Variants in NAV3 observed in about 807,000 individuals in gnomAD.
NAV3 encodes the protein pore membrane and/or filament interacting like protein 1.
NAV3 carries 87 observed loss-of-function variants against 244.7 expected under a neutral mutation model. That is an observed-to-expected ratio of 0.36 (90% confidence interval 0.30 to 0.42). NAV3 has a LOEUF of 0.42. Ranked by LOEUF, NAV3 falls within the 20% of genes least tolerant of loss-of-function variation. The probability of loss-of-function intolerance (pLI) is 1.00; values close to 1 mark genes in which losing one functional copy is unlikely to be tolerated. For missense variants in NAV3, 2,663 were observed against 2,893.3 expected, an observed-to-expected ratio of 0.92 and a Z score of 1.83; for synonymous variants, 1,126 against 1,042.2, an observed-to-expected ratio of 1.08 and a Z score of -1.55.
intron 3 of NAV3, among the ~76,000 whole-genome samples, chr12:77,956,975 T>C (rs967325202): frequency 2.0e-5 from 3 of 152,138 alleles, no homozygotes; most frequent in Admixed American, 6.5e-5. Flanking sequence ...ACTCCTGACC[T>C]CAGGTGATCT....
At chr12:78,104,621 C>A (rs1391864138) in intron 12 of NAV3, among the ~76,000 whole-genome samples, 1 of 152,126 alleles carries the variant, frequency 6.6e-6, no homozygotes, top group Non-Finnish European at 1.5e-5. Context: ...CATTAATTAA[C>A]CTATGTGTAT....
intron 2 of NAV3, among the ~76,000 whole-genome samples, chr12:77,643,981 C>A (rs1216643986): frequency 6.6e-6 from 1 of 152,048 alleles, no homozygotes; most frequent in African/African-American, 2.4e-5. Context: ...TTTATGAGCA[C>A]TAATTTATCT....
intron 11 of NAV3, 73 bp downstream of exon 11, chr12:78,051,220 C>T (rs1311208847): frequency 4.0e-6 from 6 of 1,498,644 alleles, no homozygotes; most frequent in South Asian, 1.3e-5. Flanking sequence ...TCACTATAAA[C>T]AAATGTGTAA....
At chr12:78,035,421 T>G (rs1879691366) in intron 9 of NAV3, among the ~76,000 whole-genome samples, 2 of 152,324 alleles carry the variant, frequency 1.3e-5, no homozygotes, top group South Asian at 4.1e-4. Context: ...ATATATTTGT[T>G]TTTTAAAGTT....
intron 29 of NAV3, among the ~76,000 whole-genome samples, chr12:78,179,906 A>G (rs891154777): frequency 6.6e-6 from 1 of 152,136 alleles, no homozygotes; most frequent in Non-Finnish European, 1.5e-5. Flanking sequence ...TTCAAGAACC[A>G]TTCAGGATAC....
At chr12:77,920,144 T>C (rs558798189) in intron 1 of NAV3, among the ~76,000 whole-genome samples, 75 of 152,126 alleles carry the variant, frequency 4.9e-4, no homozygotes, top group Middle Eastern at 6.8e-3. Context: ...TTGCTTAGTA[T>C]CTTTAAATAG....
chr12:77,842,937 T>C (rs1345428872), intron 1 of NAV3, among the ~76,000 whole-genome samples: 1 of 152,178 alleles, frequency 6.6e-6, no homozygotes, highest in African/African-American at 2.4e-5. Flanking sequence ...TTGCTCACTT[T>C]TTAGGCTTAA....
At chr12:77,775,917 T>C (rs1464246603) in intron 2 of NAV3, 1 of 152,266 alleles carries the variant, frequency 6.6e-6, no homozygotes, top group Admixed American at 6.5e-5. Flanking sequence ...ATGATTGGCA[T>C]GAGCCTTTGC....
At chr12:77,616,162 C>G (rs994068528) in intron 2 of NAV3, among the ~76,000 whole-genome samples, 1 of 151,944 alleles carries the variant, frequency 6.6e-6, no homozygotes, top group African/African-American at 2.4e-5. Flanking sequence ...AATCCCAGCA[C>G]TTTGGAGGCC....
intron 8 of NAV3, among the ~76,000 whole-genome samples, chr12:78,021,046 A>G (rs946716105): frequency 6.6e-6 from 1 of 152,216 alleles, no homozygotes; most frequent in South Asian, 2.1e-4. Flanking sequence ...TTACCCATGC[A>G]TAAAGGGAAG....
intron 2 of NAV3, among the ~76,000 whole-genome samples, chr12:77,596,202 A>G (rs1870160648): frequency 6.6e-6 from 1 of 152,164 alleles, no homozygotes; most frequent in South Asian, 2.1e-4. Context: ...AGTCTCTTGT[A>G]TTCAATGAGG....
At chr12:77,640,652 A>G (rs11106084) in intron 2 of NAV3, among the ~76,000 whole-genome samples, 28,702 of 152,100 alleles carry the variant, frequency 0.19, 3,094 homozygotes, top group Admixed American at 0.26. Context: ...TAAGTTAATA[A>G]TACTGTATAC....
At chr12:77,702,182 A>G (rs1091509) in intron 2 of NAV3, among the ~76,000 whole-genome samples, 132,364 of 151,984 alleles carry the variant, frequency 0.87, 58,599 homozygotes, top group East Asian at 1. Flanking sequence ...TCTCCCTGAT[A>G]AATTGACTCT....
Position 78,119,355 on chromosome 12 carries a change from C to T in NAV3, c.3159C>T (p.Pro1053=). The change falls in exon 15 of 40, where the codon CCC becomes CCT. Residue 1053 remains proline (P), a synonymous_variant. Coordinates refer to ENST00000397909, the MANE Select transcript of NAV3 (RefSeq NM_001024383.2). ...GTGGAGATGAAGGGAAAAAGCCCCC[C>T]TCAGGCATTGGAAGATCGACTGCCA... ...KSSGDEGKKP[P]SGIGRSTATS... 1.9e-6 allele frequency: 3 copies of T among 1,614,158 alleles called. No homozygotes were observed. Among genetic ancestry groups the T allele is most frequent in the Non-Finnish European group, 2.5e-6 (3 of 1,180,038 alleles).
intron 1 of NAV3, among the ~76,000 whole-genome samples, chr12:77,847,042 T>C (rs1876753113): frequency 6.6e-6 from 1 of 152,140 alleles, no homozygotes; most frequent in South Asian, 2.1e-4. Flanking sequence ...CTGCAGTGAA[T>C]TTGTTTTTTC....
intron 12 of NAV3, among the ~76,000 whole-genome samples, chr12:78,068,614 A>T (rs1160573309): frequency 6.8e-6 from 1 of 147,358 alleles, no homozygotes; most frequent in Non-Finnish European, 1.5e-5. Context: ...TATTATATAT[A>T]ATATATAATT....
intron 22 of NAV3, 94 bp from the exon 23 acceptor site, chr12:78,159,109 C>A: frequency 3.2e-6 from 3 of 947,390 alleles, no homozygotes; most frequent in South Asian, 1.6e-5. Flanking sequence ...AGAGTTGGAA[C>A]ACATGAAATT....
chr12:78,126,726 A>G (rs1955923516), intron 16 of NAV3, among the ~76,000 whole-genome samples: 1 of 152,208 alleles, frequency 6.6e-6, no homozygotes, highest in Non-Finnish European at 1.5e-5. Flanking sequence ...TAATTTGAAG[A>G]CAAAAGATAA....
intron 2 of NAV3, among the ~76,000 whole-genome samples, chr12:77,686,207 C>T (rs943374207): frequency 6.6e-6 from 1 of 152,132 alleles, no homozygotes; most frequent in Non-Finnish European, 1.5e-5. Context: ...ATTCTCCTGC[C>T]TCAGCCTCTT....
Sources: gnomAD v4.1 joint callset for allele counts (sites outside exome capture counted in the v4.1 genomes callset) on GRCh38, gnomAD v4.1.1 for gene constraint, MANE v1.5 for transcripts, NCBI Gene and HGNC (gene_info 2026-07-23, HGNC 2026-07-21) for gene names.